SSBP2: variants seen among roughly 807,000 people sequenced by gnomAD.
The protein encoded by SSBP2 is single-stranded DNA-binding protein 2.
Under a neutral mutation model 61.8 loss-of-function variants are expected in SSBP2, and 17 were observed. The ratio of observed to expected loss-of-function variants is 0.28; its 90% confidence interval spans 0.19 to 0.41. The LOEUF (loss-of-function observed/expected upper bound fraction) is 0.41, where lower values mean the gene tolerates loss of function less well. SSBP2 is among the 10% of genes least tolerant of loss of function. The pLI is 1.00. For synonymous variants in SSBP2, 139 were observed against 141.3 expected, an observed-to-expected ratio of 0.98 and a Z score of 0.12; for missense variants, 310 against 458.7, an observed-to-expected ratio of 0.68 and a Z score of 2.96.
chr5:81,746,548 T>C (rs1484028522), intron 1 of SSBP2, among the ~76,000 whole-genome samples: 2 of 152,146 alleles, frequency 1.3e-5, no homozygotes, highest in African/African-American at 4.8e-5. Context: ...ATTACTTTAA[T>C]GGTAGAAGGG....
intron 1 of SSBP2, among the ~76,000 whole-genome samples, chr5:81,731,081 T>C (rs1288629874): frequency 1.3e-5 from 2 of 152,194 alleles, no homozygotes; most frequent in Non-Finnish European, 2.9e-5. Context: ...TGAAAACAAG[T>C]GGGTTCCAAT....
chr5:81,679,563 A>G (rs1210381237), intron 1 of SSBP2, among the ~76,000 whole-genome samples: 1 of 152,208 alleles, frequency 6.6e-6, no homozygotes, highest in Admixed American at 6.5e-5. Flanking sequence ...CAAACTTCAG[A>G]GCAAACACTA....
At chr5:81,679,824 T>G (rs150858481) in intron 1 of SSBP2, among the ~76,000 whole-genome samples, 289 of 152,278 alleles carry the variant, frequency 1.9e-3, no homozygotes, top group African/African-American at 6.0e-3. Flanking sequence ...CATACATTTC[T>G]GGTTATGTCT....
intron 1 of SSBP2, among the ~76,000 whole-genome samples, chr5:81,672,639 T>C (rs1373965032): frequency 1.3e-5 from 2 of 151,888 alleles, no homozygotes; most frequent in African/African-American, 2.4e-5. Flanking sequence ...TGGCACGATC[T>C]TGACTCACTG....
intron 1 of SSBP2, among the ~76,000 whole-genome samples, chr5:81,694,547 T>G (rs148336103): frequency 6.1e-4 from 93 of 152,292 alleles, no homozygotes; most frequent in African/African-American, 2.2e-3. Context: ...GAAGTTTTTT[T>G]TTTCTATCCA....
At position 81,461,495 on chromosome 5, in the gene SSBP2, T is replaced by C. The variant is rs566429521; in HGVS notation, c.639-392A>G. Among the ~76,000 whole-genome samples the C allele has an allele frequency of 3.3e-5, 5 of 152,226 alleles. No homozygotes were observed. The South Asian group carries it at 8.3e-4, about 25-fold the overall frequency. On this transcript the variant is annotated intron_variant, in intron 9 of 16. Coordinates refer to ENST00000320672, the MANE Select transcript of SSBP2 (RefSeq NM_012446.5). ...ATCAATATGAGCTTCCTGTATCTCATTCAAAATAAAATTTGTAAAACATCA... is the reference window on the plus strand; with the variant it reads ...ATCAATATGAGCTTCCTGTATCTCACTCAAAATAAAATTTGTAAAACATCA...
intron 10 of SSBP2, among the ~76,000 whole-genome samples, chr5:81,450,234 G>A (rs985827211): frequency 1.1e-4 from 17 of 152,156 alleles, no homozygotes; most frequent in African/African-American, 4.1e-4. Context: ...TGTTGCCCAC[G>A]CTGGTCTCAA....
chr5:81,687,261 C>T (rs931954258), intron 1 of SSBP2, among the ~76,000 whole-genome samples: 2 of 152,322 alleles, frequency 1.3e-5, no homozygotes, highest in East Asian at 1.9e-4. Context: ...AGAGCAACAC[C>T]GAACAGAACT....
chr5:81,437,606 T>C, intron 14 of SSBP2, 148 bp from the exon 15 acceptor site: 1 of 629,032 alleles, frequency 1.6e-6, no homozygotes, highest in Non-Finnish European at 2.7e-6. Flanking sequence ...ATTCCTCTTC[T>C]TTTATACAGT....
At chr5:81,685,087 G>GCT (rs537844737) in intron 1 of SSBP2, among the ~76,000 whole-genome samples, 2 of 151,750 alleles carry the variant, frequency 1.3e-5, no homozygotes, top group African/African-American at 2.4e-5. Flanking sequence ...CCCTTCACTC[G>GCT]CTCTCTCTCT....
intron 1 of SSBP2, among the ~76,000 whole-genome samples, chr5:81,687,474 T>G (rs573889216): frequency 6.6e-6 from 1 of 152,194 alleles, no homozygotes; most frequent in Admixed American, 6.5e-5. Flanking sequence ...TCAAAGCCAG[T>G]GAATGTGCAG....
At chr5:81,549,287 T>C (rs1031286947) in intron 4 of SSBP2, among the ~76,000 whole-genome samples, 1 of 152,154 alleles carries the variant, frequency 6.6e-6, no homozygotes, top group Non-Finnish European at 1.5e-5. Flanking sequence ...TCAATCAATC[T>C]CTCGCCTTGC....
At chr5:81,440,288 T>C (rs932626667) in intron 14 of SSBP2, among the ~76,000 whole-genome samples, 1 of 152,182 alleles carries the variant, frequency 6.6e-6, no homozygotes, top group Non-Finnish European at 1.5e-5. Flanking sequence ...ACAGCAGCAA[T>C]GTCTCCTTTT....
At chr5:81,462,283 T>C (rs1029549159) in intron 9 of SSBP2, among the ~76,000 whole-genome samples, 2 of 152,162 alleles carry the variant, frequency 1.3e-5, no homozygotes, top group African/African-American at 4.8e-5. Flanking sequence ...AGGCCACAGG[T>C]TGGACAAGCT....
At chr5:81,698,547 C>T (rs1411572305) in intron 1 of SSBP2, among the ~76,000 whole-genome samples, 2 of 152,198 alleles carry the variant, frequency 1.3e-5, no homozygotes, top group Non-Finnish European at 2.9e-5. Context: ...TGCGGTGGCT[C>T]ACGCCTATAA....
intron 1 of SSBP2, among the ~76,000 whole-genome samples, chr5:81,710,086 A>T (rs1338491139): frequency 6.6e-6 from 1 of 152,064 alleles, no homozygotes; most frequent in Non-Finnish European, 1.5e-5. Flanking sequence ...AGAGAAAAAA[A>T]ACCAAGAGAG....
At chr5:81,590,118 G>T (rs903614991) in intron 4 of SSBP2, among the ~76,000 whole-genome samples, 1 of 151,938 alleles carries the variant, frequency 6.6e-6, no homozygotes, top group Non-Finnish European at 1.5e-5. Context: ...AAACTGTCTC[G>T]CTCATAAGTT....
At chr5:81,524,194 G>C (rs1769729484) in intron 4 of SSBP2, among the ~76,000 whole-genome samples, 1 of 152,048 alleles carries the variant, frequency 6.6e-6, no homozygotes, top group African/African-American at 2.4e-5. Flanking sequence ...CCCAGAGCCT[G>C]TGAATGTGGG....
chr5:81,653,841 C>T (rs1276031198), intron 1 of SSBP2, among the ~76,000 whole-genome samples: 1 of 152,044 alleles, frequency 6.6e-6, no homozygotes, highest in Admixed American at 6.6e-5. Flanking sequence ...TATATTAGCC[C>T]TTTGTCAGAT....
Sources: allele counts gnomAD v4.1 joint callset (sites outside exome capture counted in the v4.1 genomes callset), GRCh38; gene constraint gnomAD v4.1.1; transcripts MANE v1.5; gene names NCBI Gene and HGNC (gene_info 2026-07-23, HGNC 2026-07-21).